Variants in UBE2K observed in about 807,000 individuals in gnomAD.
UBE2K encodes ubiquitin conjugating enzyme E2 K, also known as ubiquitin-conjugating enzyme E2 K.
In UBE2K, 6 loss-of-function variants were observed where a neutral mutation model predicts 30.0. The ratio of observed to expected loss-of-function variants is 0.20; its 90% CI spans 0.11 to 0.39. The LOEUF is 0.39. UBE2K is among the 10% of genes least tolerant of loss of function. The pLI, the probability that UBE2K is intolerant of heterozygous loss-of-function variation, is 1.00. For missense variants in UBE2K, 61 were observed against 241.6 expected, an observed-to-expected ratio of 0.25 and a Z score of 4.96; for synonymous variants, 86 against 83.7, an observed-to-expected ratio of 1.03 and a Z score of -0.15.
intron 5 of UBE2K, among the ~76,000 whole-genome samples, chr4:39,776,424 A>G (rs1713287417): frequency 1.3e-5 from 2 of 152,106 alleles, no homozygotes; most frequent in African/African-American, 4.8e-5. Context: ...TGCAAATCTT[A>G]CTTCACTAAC....
chr4:39,765,912 C>CATAT (rs1560376026), intron 4 of UBE2K, among the ~76,000 whole-genome samples: 2 of 136,136 alleles, frequency 1.5e-5, no homozygotes, highest in African/African-American at 5.7e-5. Flanking sequence ...TATATATATA[C>CATAT]ATACATACAT....
At chr4:39,735,111 G>A (rs1720305030) in intron 1 of UBE2K, among the ~76,000 whole-genome samples, 1 of 152,248 alleles carries the variant, frequency 6.6e-6, no homozygotes, top group Non-Finnish European at 1.5e-5. Context: ...AGAAATGCAA[G>A]TGTAAGTTAA....
intron 3 of UBE2K, among the ~76,000 whole-genome samples, chr4:39,751,109 G>C (rs1203650464): frequency 1.5e-5 from 2 of 133,424 alleles, no homozygotes; most frequent in Admixed American, 7.5e-5. Flanking sequence ...TTTTCTTCTT[G>C]TTTTTTTTTT....
intron 1 of UBE2K, among the ~76,000 whole-genome samples, chr4:39,730,773 AAATAAT>A (rs1172772310): frequency 6.6e-6 from 1 of 151,026 alleles, no homozygotes; most frequent in Non-Finnish European, 1.5e-5. Flanking sequence ...CCGTCTCAAA[AAATAAT>A]AATAATAATA....
At chr4:39,730,334 GTTTTTTGTT>G (rs1578446961) in intron 1 of UBE2K, among the ~76,000 whole-genome samples, 3 of 151,910 alleles carry the variant, frequency 2.0e-5, no homozygotes, top group Non-Finnish European at 2.9e-5. Flanking sequence ...ACAGACACAC[GTTTTTTGTT>G]TTTTTTGTTT....
intron 5 of UBE2K, among the ~76,000 whole-genome samples, chr4:39,776,485 G>A (rs1011656920): frequency 1.3e-5 from 2 of 151,874 alleles, no homozygotes; most frequent in Non-Finnish European, 2.9e-5. Context: ...AGATTCTTTA[G>A]TTTGCAGAGT....
At chr4:39,762,315 G>A (rs1712008466) in intron 4 of UBE2K, among the ~76,000 whole-genome samples, 1 of 151,990 alleles carries the variant, frequency 6.6e-6, no homozygotes, top group African/African-American at 2.4e-5. Flanking sequence ...TTCCACCTTG[G>A]CCTCCTGAAG....
intron 3 of UBE2K, among the ~76,000 whole-genome samples, chr4:39,753,093 C>G (rs1331247542): frequency 6.6e-6 from 1 of 152,186 alleles, no homozygotes; most frequent in Non-Finnish European, 1.5e-5. Flanking sequence ...ATATCTCTTA[C>G]AAAGCAATGT....
chr4:39,719,610 A>G (rs1047465942), intron 1 of UBE2K, among the ~76,000 whole-genome samples: 7 of 152,222 alleles, frequency 4.6e-5, no homozygotes, highest in African/African-American at 1.7e-4. Context: ...ATGTAGGACC[A>G]GCTAGTCTAT....
intron 5 of UBE2K, 106 bp from the exon 6 acceptor site, chr4:39,777,576 T>C (rs768644332): frequency 1.8e-6 from 2 of 1,085,152 alleles, no homozygotes; most frequent in Middle Eastern, 2.1e-4. Context: ...ATTTTAAATG[T>C]AGATTTGTTT....
At chr4:39,728,233 G>A (rs886827884) in intron 1 of UBE2K, among the ~76,000 whole-genome samples, 2 of 152,278 alleles carry the variant, frequency 1.3e-5, no homozygotes, top group East Asian at 1.9e-4. Context: ...TGTTGCCTCA[G>A]CTTCCTTATT....
At chr4:39,707,198 C>T (rs1354073932) in intron 1 of UBE2K, among the ~76,000 whole-genome samples, 1 of 151,590 alleles carries the variant, frequency 6.6e-6, no homozygotes. Flanking sequence ...GTGTGAGCCA[C>T]CCCACCTGGA....
Position 39,743,818 on chromosome 4 carries a change from T to G in UBE2K, c.158-1934T>G, listed in dbSNP as rs1578466621. Among the ~76,000 whole-genome samples, 4 of 152,166 alleles carry G rather than the reference T, an allele frequency of 2.6e-5. No homozygotes were observed. In the South Asian group the frequency reaches 8.3e-4, roughly 32 times the overall value. Reference sequence around the variant, plus strand: ...AGAGTTAAGAGTTGAATCCAGCCTCTCATCCAGTGTAAGACTTACCCCTTC... The same window carrying G: ...AGAGTTAAGAGTTGAATCCAGCCTCGCATCCAGTGTAAGACTTACCCCTTC... On this transcript the variant is annotated intron_variant, in intron 2 of 6. Transcript: ENST00000261427.
At chr4:39,737,725 G>A (rs894498317) in intron 2 of UBE2K, among the ~76,000 whole-genome samples, 3 of 152,104 alleles carry the variant, frequency 2.0e-5, no homozygotes, top group Non-Finnish European at 4.4e-5. Context: ...CCATAAAACA[G>A]TTTTAGCAGA....
At position 39,781,613 on chromosome 4, in the gene UBE2K, T is replaced by A. The variant is rs1395925510; in HGVS notation, c.*3179T>A. ...AATCCTATGTAGCAAAATAGGAAAT[T>A]ATGAATTTTTGTTGTTATTGTTTTA... On this transcript the variant is annotated 3_prime_UTR_variant, in exon 7 of 7. Transcript: ENST00000261427. The A allele has an allele frequency of 4.0e-6, 1 of 249,270 alleles. No individual in the cohort carries two copies. The highest frequency in any genetic ancestry group is 7.6e-6 in the Non-Finnish European group (1 of 131,816). The allele number at this position is 249,270 out of a possible 1,614,324, so 15.4% of individuals were successfully genotyped here. A position where few individuals can be genotyped will look rare whatever the true frequency, so the allele number is the denominator to read the frequency against.
At chr4:39,741,558 A>T (rs1340882161) in intron 2 of UBE2K, among the ~76,000 whole-genome samples, 1 of 152,230 alleles carries the variant, frequency 6.6e-6, no homozygotes, top group South Asian at 2.1e-4. Flanking sequence ...AAAAGTTTAC[A>T]TGTGGAATGT....
At chr4:39,715,372 A>G (rs376051415) in intron 1 of UBE2K, among the ~76,000 whole-genome samples, 3 of 151,498 alleles carry the variant, frequency 2.0e-5, no homozygotes, top group Admixed American at 2.0e-4. Flanking sequence ...GAATCTCCCT[A>G]TGTTACCCAG....
chr4:39,753,638 TGGAAAGTGAAACTTGAA>T (rs1188805102), intron 3 of UBE2K, among the ~76,000 whole-genome samples: 1 of 152,134 alleles, frequency 6.6e-6, no homozygotes, highest in Admixed American at 6.6e-5. Flanking sequence ...AGAAGTGATA[TGGAAAGTGAAACTTGAA>T]GAGTAGGAAT....
At chr4:39,743,552 C>A (rs530016612) in intron 2 of UBE2K, among the ~76,000 whole-genome samples, 3 of 150,846 alleles carry the variant, frequency 2.0e-5, no homozygotes, top group African/African-American at 7.3e-5. Flanking sequence ...TGCAGTGAGC[C>A]GAGATCCCGC....
Sources: allele counts gnomAD v4.1 joint callset (sites outside exome capture counted in the v4.1 genomes callset), GRCh38; gene constraint gnomAD v4.1.1; transcripts MANE v1.5; gene names NCBI Gene and HGNC (gene_info 2026-07-23, HGNC 2026-07-21).